CDK19: variants seen among roughly 807,000 people sequenced by gnomAD.
The protein encoded by CDK19 is cyclin dependent kinase 19.
A neutral mutation model predicts 68.3 loss-of-function variants in CDK19; 20 were observed. That is an observed-to-expected ratio of 0.29 (90% CI 0.21 to 0.43). The LOEUF (loss-of-function observed/expected upper bound fraction) is 0.43. Among genes scored for constraint, CDK19 ranks in the 20% least tolerant of loss-of-function variants. The pLI, the probability that CDK19 is intolerant of heterozygous loss-of-function variation, is 1.00. For missense variants in CDK19, 339 were observed against 623.5 expected (o/e 0.54, Z 4.86); for synonymous variants, 221 against 222.8 (o/e 0.99, Z 0.07).
At chr6:110,721,112 C>T (rs1331322977) in intron 2 of CDK19, among the ~76,000 whole-genome samples, 1 of 151,900 alleles carries the variant, frequency 6.6e-6, no homozygotes, top group African/African-American at 2.4e-5. Flanking sequence ...TGGTGACAGG[C>T]GCCTGTAGTC....
At chr6:110,647,809 T>C (rs945952273) in intron 4 of CDK19, among the ~76,000 whole-genome samples, 11 of 152,140 alleles carry the variant, frequency 7.2e-5, no homozygotes, top group Non-Finnish European at 1.3e-4. Context: ...ATAATGTTGG[T>C]TGCAAAACCA....
chr6:110,670,797 G>A lies in CDK19; in HGVS notation c.205-256C>T, dbSNP rs541253444. 1.3e-4 allele frequency: 72 copies of A among 572,682 alleles called. No individual in the cohort carries two copies. The African/African-American group carries it at 1.3e-3, about 10-fold the overall frequency. The allele number at this position is 572,682 out of a possible 1,614,324, so 35.5% of individuals were successfully genotyped here. A position where few individuals can be genotyped will look rare whatever the true frequency, so the allele number is the denominator to read the frequency against. On this transcript the variant is annotated intron_variant, in intron 2 of 12. Transcript: ENST00000368911. ...TTGTTTTACTTTCTTTCTTGTCAGA[G>A]ACTGCAAGCAGGAATGTGTTTTTAA...
chr6:110,770,280 C>T lies in CDK19; in HGVS notation c.129-24079G>A, dbSNP rs143745349. 6.3e-4 allele frequency among the ~76,000 whole-genome samples: 94 copies of T among 148,656 alleles called. No individual in the cohort carries two copies. In the East Asian group the frequency reaches 8.8e-3, roughly 14 times the overall value. ...TTCATGCTGCTGATAAAGACATACC[C>T]GAGATTGGGAAGAAAAAGAGGTTTA... On this transcript the variant is annotated intron_variant, in intron 1 of 12. Coordinates refer to ENST00000368911, the MANE Select transcript of CDK19 (RefSeq NM_015076.5).
intron 4 of CDK19, among the ~76,000 whole-genome samples, chr6:110,641,964 T>C (rs1780217157): frequency 6.6e-6 from 1 of 152,126 alleles, no homozygotes; most frequent in Non-Finnish European, 1.5e-5. Flanking sequence ...ATGTTTGGTG[T>C]AGAAATGCAA....
chr6:110,623,911 GTATA>G (rs1304610664), intron 8 of CDK19, among the ~76,000 whole-genome samples: 2 of 127,908 alleles, frequency 1.6e-5, no homozygotes, highest in Non-Finnish European at 3.3e-5. Context: ...ATATATATAC[GTATA>G]TATATATACG....
At chr6:110,645,480 T>A (rs779681231) in intron 4 of CDK19, among the ~76,000 whole-genome samples, 1 of 152,168 alleles carries the variant, frequency 6.6e-6, no homozygotes, top group Admixed American at 6.5e-5. Flanking sequence ...TAATGAGTTA[T>A]GTGCTCAATA....
At chr6:110,704,280 C>G (rs1481808606) in intron 2 of CDK19, among the ~76,000 whole-genome samples, 1 of 152,180 alleles carries the variant, frequency 6.6e-6, no homozygotes, top group Non-Finnish European at 1.5e-5. Flanking sequence ...AACACAGCAA[C>G]CAAACCATGT....
intron 1 of CDK19, among the ~76,000 whole-genome samples, chr6:110,786,254 C>T (rs555979144): frequency 1.8e-4 from 28 of 152,232 alleles, no homozygotes; most frequent in Non-Finnish European, 1.3e-4. Flanking sequence ...GGTACTGGTT[C>T]GGAAGCACTC....
intron 2 of CDK19, among the ~76,000 whole-genome samples, chr6:110,699,497 C>G (rs1029353346): frequency 6.7e-6 from 1 of 149,838 alleles, no homozygotes; most frequent in Non-Finnish European, 1.5e-5. Context: ...GAATGGCAAA[C>G]CAAATACCAT....
At chr6:110,724,423 G>T (rs1020743224) in intron 2 of CDK19, among the ~76,000 whole-genome samples, 2 of 152,028 alleles carry the variant, frequency 1.3e-5, no homozygotes, top group African/African-American at 4.8e-5. Context: ...GCACTGCCCT[G>T]CTCATCCTTA....
In CDK19 at chr6:110,742,937, A is replaced by G. The variant is rs550626681; in HGVS notation, c.204+3189T>C. 6.6e-5 allele frequency among the ~76,000 whole-genome samples: 10 copies of G among 151,802 alleles called. No homozygotes were observed. In the South Asian group the frequency reaches 1.5e-3, roughly 22 times the overall value. On this transcript the variant is annotated intron_variant, in intron 2 of 12. Transcript: ENST00000368911. ...TTTGTGACCTACTCCCTGTATGTAT[A>G]CCCCCTCCCCTTTTAAAACCCCTAA...
chr6:110,653,148 A>G lies in CDK19; in HGVS notation c.456+14286T>C, dbSNP rs575058915. 5.3e-5 allele frequency among the ~76,000 whole-genome samples: 8 copies of G among 152,296 alleles called. No individual in the cohort carries two copies. In the South Asian group the frequency reaches 1.7e-3, roughly 32 times the overall value. The stretch of plus-strand genomic sequence containing the variant: ...TAATAACAAAATGAATAATATAATC[A>G]CCATCAAAGTGTGTTTAATTTTTCA... On this transcript the variant is annotated intron_variant, in intron 4 of 12. Transcript: ENST00000368911.
chr6:110,707,533 G>T (rs1372213244), intron 2 of CDK19, among the ~76,000 whole-genome samples: 1 of 152,088 alleles, frequency 6.6e-6, no homozygotes, highest in East Asian at 1.9e-4. Flanking sequence ...TAAAAAATGG[G>T]AACACACTAA....
intron 12 of CDK19, among the ~76,000 whole-genome samples, chr6:110,616,677 A>C (rs1043811980): frequency 6.6e-5 from 10 of 151,996 alleles, no homozygotes; most frequent in South Asian, 2.1e-4. Flanking sequence ...TCAAAAAAAA[A>C]AAAACAAAAC....
Position 110,736,408 on chromosome 6 carries a change from T to C in CDK19, c.204+9718A>G, listed in dbSNP as rs114981720. On this transcript the variant is annotated intron_variant, in intron 2 of 12. Coordinates refer to ENST00000368911, the MANE Select transcript of CDK19 (RefSeq NM_015076.5). ...AGCAAATGGGTCCAGGTACTAATAG[T>C]AACTTGCCAAAGATGTACAGGATAA... Among the ~76,000 whole-genome samples the C allele has an allele frequency of 2.6e-4, 39 of 152,326 alleles. 1 individual carries two copies. The highest frequency in any genetic ancestry group is 9.4e-4 in the African/African-American group (39 of 41,578).
At chr6:110,765,246 C>T (rs184235169) in intron 1 of CDK19, among the ~76,000 whole-genome samples, 40 of 151,996 alleles carry the variant, frequency 2.6e-4, no homozygotes, top group African/African-American at 8.9e-4. Flanking sequence ...AGCAGGACCA[C>T]GTCTCTACAA....
chr6:110,614,786 T>G (rs1778206271), intron 12 of CDK19, 120 bp from the exon 13 acceptor site: 1 of 923,584 alleles, frequency 1.1e-6, no homozygotes, highest in Non-Finnish European at 1.6e-6. Context: ...CAGACACACA[T>G]AGCTGACAGC....
At chr6:110,806,003 T>C (rs1782655551) in intron 1 of CDK19, among the ~76,000 whole-genome samples, 1 of 150,400 alleles carries the variant, frequency 6.6e-6, no homozygotes, top group African/African-American at 2.4e-5. Flanking sequence ...AAGTAACTTG[T>C]ACTTCCTTTA....
At chr6:110,641,721 C>CA (rs1197519798) in intron 4 of CDK19, among the ~76,000 whole-genome samples, 1 of 150,552 alleles carries the variant, frequency 6.6e-6, no homozygotes, top group Non-Finnish European at 1.5e-5. Flanking sequence ...TGAAAACTAT[C>CA]AATATAGAAA....
Sources: allele counts gnomAD v4.1 joint callset (sites outside exome capture counted in the v4.1 genomes callset), GRCh38; gene constraint gnomAD v4.1.1; transcripts MANE v1.5; gene names NCBI Gene and HGNC (gene_info 2026-07-23, HGNC 2026-07-21).